Variants in SERPINA1 observed in about 807,000 individuals in gnomAD.
SERPINA1 encodes the protein serpin family A member 1, also known as alpha-1-antitrypsin.
In SERPINA1, 21 loss-of-function variants were observed where a neutral mutation model predicts 25.4. The observed-to-expected ratio is 0.83, with a 90% CI of 0.59 to 1.19. The LOEUF (loss-of-function observed/expected upper bound fraction) is 1.19. SERPINA1 is among the 50% of genes most tolerant of loss of function. The pLI is 0.00. For missense variants in SERPINA1, 546 were observed against 509.0 expected (o/e 1.07, Z -0.70); for synonymous variants, 218 against 211.1 (o/e 1.03, Z -0.29).
rs749295615 is a variant in SERPINA1, at chr14:94,382,882, C to T, written c.356G>A (p.Gly119Asp). 7 of 1,614,090 alleles carry T rather than the reference C, an allele frequency of 4.3e-6. No individual in the cohort carries two copies. The highest frequency in any genetic ancestry group is 2.2e-5 in the South Asian group (2 of 91,086). ...GAGGGTACGGAGGAGTTCCTGGAAG[C>T]CTTCATGGATCTGAGCCTCCGGAAT... ...TEIPEAQIHE[G>D]FQELLRTLNQ... The change falls in exon 2 of 5, where the codon GGC (glycine) becomes GAC (aspartate). Residue 119 changes from glycine (G) to aspartate (D), a missense_variant. Gly to Asp is a moderately conservative substitution (Grantham distance 94, BLOSUM62 -1). Coordinates refer to ENST00000393087, the MANE Select transcript of SERPINA1 (RefSeq NM_000295.5).
chr14:94,388,370 A>G (rs1348730680), intron 1 of SERPINA1, among the ~76,000 whole-genome samples, 190 bp downstream of exon 1: 1 of 152,152 alleles, frequency 6.6e-6, no homozygotes, highest in Non-Finnish European at 1.5e-5. Flanking sequence ...ACTGGGAAAC[A>G]GGACACAACC....
rs1566759298 is a variant in SERPINA1, at chr14:94,383,255, A to AT, written c.-4-15dup. Reference sequence around the variant, plus strand: ...GACGGCATTGTCCTGCAAGACAGAGATGGGGGGGCCAGGCCCCGAGTCAAG... The same window carrying AT: ...GACGGCATTGTCCTGCAAGACAGAGATTGGGGGGGCCAGGCCCCGAGTCAAG... On this transcript the variant is annotated splice_polypyrimidine_tract_variant and intron_variant, in intron 1 of 4. Transcript: ENST00000393087. 1.2e-6 allele frequency: 2 copies of AT among 1,606,636 alleles called. No individual in the cohort carries two copies. Among genetic ancestry groups the AT allele is most frequent in the South Asian group, 2.2e-5 (2 of 90,918 alleles).
At chr14:94,382,467 A>G (rs2139690617) in intron 2 of SERPINA1, 125 bp downstream of exon 2, 2 of 1,117,772 alleles carry the variant, frequency 1.8e-6, no homozygotes, top group South Asian at 2.7e-5. Flanking sequence ...AAAACTGAAG[A>G]ATCCACGCTG....
intron 2 of SERPINA1, among the ~76,000 whole-genome samples, 186 bp from the exon 3 acceptor site, chr14:94,381,327 G>C (rs1896901022): frequency 6.6e-6 from 1 of 152,164 alleles, no homozygotes; most frequent in African/African-American, 2.4e-5. Flanking sequence ...TGCCGAAAAA[G>C]ATTGTGTGGG....
At chr14:94,386,624 G>A (rs1897306186) in intron 1 of SERPINA1, among the ~76,000 whole-genome samples, 1 of 152,146 alleles carries the variant, frequency 6.6e-6, no homozygotes, top group Non-Finnish European at 1.5e-5. Flanking sequence ...AGCCCTCCCT[G>A]TACCTGCACA....
intron 1 of SERPINA1, among the ~76,000 whole-genome samples, chr14:94,385,189 G>A (rs547306130): frequency 6.6e-6 from 1 of 152,368 alleles, no homozygotes; most frequent in Non-Finnish European, 1.5e-5. Context: ...GCCAGAGGTT[G>A]TGGCTTCTAG....
chr14:94,385,338 GTT>G (rs992623957), intron 1 of SERPINA1, among the ~76,000 whole-genome samples: 1 of 152,102 alleles, frequency 6.6e-6, no homozygotes, highest in Non-Finnish European at 1.5e-5. Flanking sequence ...AGGTTTTTGG[GTT>G]TTTTTTGAGA....
chr14:94,382,504 A>C lies in SERPINA1; in HGVS notation c.646+88T>G. ...AAAGCATTGCTATGGCCCATAATGC[A>C]TTGCCAAGGAGAGTTCAAGAACTGA... On this transcript the variant is annotated intron_variant, in intron 2 of 4. Coordinates refer to ENST00000393087, the MANE Select transcript of SERPINA1 (RefSeq NM_000295.5). 6 of 1,521,874 alleles carry C rather than the reference A, an allele frequency of 3.9e-6. No homozygotes were observed. The South Asian group carries it at 5.6e-5, about 14-fold the overall frequency. 94.3% of individuals were successfully genotyped at this position (1,521,874 alleles called of 1,614,324 possible). A position where few individuals can be genotyped will look rare whatever the true frequency, so the allele number is the denominator to read the frequency against.
chr14:94,383,122 T>C lies in SERPINA1; in HGVS notation c.116A>G (p.His39Arg). ...GAAGGTTGGGTGATCCTGATCATGGTGGGATGTATCTGTCTTCTGGGCAGC... is the reference window on the plus strand; with the variant it reads ...GAAGGTTGGGTGATCCTGATCATGGCGGGATGTATCTGTCTTCTGGGCAGC... Reference protein sequence around the residue: ...GDAAQKTDTSHHDQDHPTFNK... With the variant: ...GDAAQKTDTSRHDQDHPTFNK... Residue 39 changes from histidine to arginine, a missense_variant, in exon 2 of 5, where the codon CAC becomes CGC. Coordinates refer to ENST00000393087, the MANE Select transcript of SERPINA1 (RefSeq NM_000295.5). The C allele has an allele frequency of 1.2e-6, 2 of 1,614,172 alleles. No individual in the cohort carries two copies. Among genetic ancestry groups the C allele is most frequent in the African/African-American group, 2.7e-5 (2 of 75,038 alleles).
At chr14:94,381,494 G>T (rs1313725413) in intron 2 of SERPINA1, among the ~76,000 whole-genome samples, 1 of 152,184 alleles carries the variant, frequency 6.6e-6, no homozygotes, top group Non-Finnish European at 1.5e-5. Context: ...AGGCATATTT[G>T]GTACCTTCTG....
chr14:94,376,896 T>A lies in SERPINA1; in HGVS notation c.*1553A>T, dbSNP rs1896399737. Reference sequence around the variant, plus strand: ...GGCGACTTCACGAAGGTCACACAGCTGTCAGGGGGAAAAGTCAGAACTTGG... The same window carrying A: ...GGCGACTTCACGAAGGTCACACAGCAGTCAGGGGGAAAAGTCAGAACTTGG... On this transcript the variant is annotated 3_prime_UTR_variant, in exon 5 of 5. Coordinates refer to ENST00000393087, the MANE Select transcript of SERPINA1 (RefSeq NM_000295.5). 6.6e-6 allele frequency: 1 copy of A among 152,208 alleles called. No individual in the cohort carries two copies. The highest frequency in any genetic ancestry group is 6.5e-5 in the Admixed American group (1 of 15,292). 9.4% of individuals were successfully genotyped at this position (152,208 alleles called of 1,614,324 possible). A position where few individuals can be genotyped will look rare whatever the true frequency, so the allele number is the denominator to read the frequency against.
chr14:94,388,859 G>A (rs1897481563), upstream of SERPINA1: 1 of 152,396 alleles, frequency 6.6e-6, no homozygotes, highest in Admixed American at 6.5e-5. Context: ...AAGGTGGAGG[G>A]GGTGGCGTGA....
intron 4 of SERPINA1, chr14:94,378,999 C>T (rs985117533): frequency 4.8e-5 from 26 of 536,462 alleles, no homozygotes; most frequent in African/African-American, 4.5e-4. Context: ...GCCCAGACCC[C>T]AAGATAATGC....
At chr14:94,384,293 G>A (rs1897154685) in intron 1 of SERPINA1, among the ~76,000 whole-genome samples, 1 of 152,168 alleles carries the variant, frequency 6.6e-6, no homozygotes, top group Admixed American at 6.5e-5. Flanking sequence ...TGATGTTTAT[G>A]TATGAGAATT....
At chr14:94,383,447 C>T (rs939502337) in intron 1 of SERPINA1, 5 of 597,098 alleles carry the variant, frequency 8.4e-6, no homozygotes, top group Non-Finnish European at 1.5e-5. Context: ...GTTCTCCGTG[C>T]TCACATGTGT....
chr14:94,387,110 T>C (rs1363188545), intron 1 of SERPINA1, among the ~76,000 whole-genome samples: 8 of 152,222 alleles, frequency 5.3e-5, no homozygotes, highest in Admixed American at 5.2e-4. Context: ...AAGCCAGAAG[T>C]CTTGAATCAG....
At chr14:94,389,527 C>G (rs1897544492), upstream of SERPINA1, 1 of 152,138 alleles carries the variant, frequency 6.6e-6, no homozygotes, top group African/African-American at 2.4e-5. Flanking sequence ...GATACATGGC[C>G]CCCACTCTGG....
At chr14:94,379,115 A>G (rs1417802258) in intron 4 of SERPINA1, 1 of 577,012 alleles carries the variant, frequency 1.7e-6, no homozygotes, top group East Asian at 2.9e-5. Context: ...AATCTCACAG[A>G]TCGAAGGAGT....
upstream of SERPINA1, chr14:94,389,940 GA>G (rs1897580364): frequency 6.6e-6 from 1 of 152,216 alleles, no homozygotes; most frequent in Non-Finnish European, 1.5e-5. Context: ...GTACCTTGTT[GA>G]GCTGCTGTGA....
Sources: allele counts gnomAD v4.1 joint callset (sites outside exome capture counted in the v4.1 genomes callset), GRCh38; gene constraint gnomAD v4.1.1; transcripts MANE v1.5; gene names NCBI Gene and HGNC (gene_info 2026-07-23, HGNC 2026-07-21).